MAGI3: variants seen among roughly 807,000 people sequenced by gnomAD.
The protein encoded by MAGI3 is membrane associated guanylate kinase, WW and PDZ domain containing 3.
A neutral mutation model predicts 121.8 loss-of-function variants in MAGI3; 43 were observed. The ratio of observed to expected loss-of-function variants is 0.35; its 90% CI spans 0.28 to 0.46. The LOEUF (loss-of-function observed/expected upper bound fraction) is 0.46. Among genes scored for constraint, MAGI3 ranks in the 20% least tolerant of loss-of-function variants. The pLI is 1.00. For missense variants in MAGI3, 1,547 were observed against 1,797.3 expected, an observed-to-expected ratio of 0.86 and a Z score of 2.52; for synonymous variants, 553 against 639.3, an observed-to-expected ratio of 0.86 and a Z score of 2.04.
intron 3 of MAGI3, among the ~76,000 whole-genome samples, chr1:113,584,967 C>CTT (rs58296325): frequency 2.7e-4 from 37 of 135,714 alleles, no homozygotes; most frequent in Non-Finnish European, 3.2e-4. Context: ...TAGATATTTC[C>CTT]TTTTTTTTTT....
chr1:113,533,767 T>C (rs1376981463), intron 1 of MAGI3, among the ~76,000 whole-genome samples: 1 of 150,846 alleles, frequency 6.6e-6, no homozygotes, highest in Non-Finnish European at 1.5e-5. Context: ...TTGGACTGTT[T>C]AAATATCTTT....
chr1:113,621,863 G>A (rs1173253268), intron 8 of MAGI3, among the ~76,000 whole-genome samples: 1 of 151,902 alleles, frequency 6.6e-6, no homozygotes, highest in African/African-American at 2.4e-5. Context: ...ACCACATATT[G>A]TCTGATTTTG....
At chr1:113,617,555 G>A (rs553925859) in intron 7 of MAGI3, among the ~76,000 whole-genome samples, 42 of 152,046 alleles carry the variant, frequency 2.8e-4, no homozygotes, top group Middle Eastern at 3.4e-3. Flanking sequence ...AAATTTTTAG[G>A]AAAAGGATTA....
chr1:113,596,470 A>G (rs1424506057), intron 6 of MAGI3, among the ~76,000 whole-genome samples: 2 of 152,228 alleles, frequency 1.3e-5, no homozygotes, highest in Admixed American at 6.5e-5. Context: ...TATGAACCAT[A>G]GAAGAAAAAG....
At chr1:113,414,354 C>T (rs577403364) in intron 1 of MAGI3, among the ~76,000 whole-genome samples, 1 of 152,164 alleles carries the variant, frequency 6.6e-6, no homozygotes, top group African/African-American at 2.4e-5. Context: ...TTTGTTGTGT[C>T]TCTGCCAGGC....
intron 19 of MAGI3, among the ~76,000 whole-genome samples, chr1:113,674,682 T>G (rs937259957): frequency 6.6e-6 from 1 of 152,160 alleles, no homozygotes; most frequent in Non-Finnish European, 1.5e-5. Flanking sequence ...TCTGGGTGAT[T>G]GCAGTTTTGA....
intron 9 of MAGI3, among the ~76,000 whole-genome samples, chr1:113,637,344 G>A (rs2101813768): frequency 6.6e-6 from 1 of 152,246 alleles, no homozygotes; most frequent in South Asian, 2.1e-4. Context: ...TTACAATTTG[G>A]CATGATTTTG....
chr1:113,465,878 C>G (rs1337238459), intron 1 of MAGI3, among the ~76,000 whole-genome samples: 1 of 152,018 alleles, frequency 6.6e-6, no homozygotes, highest in East Asian at 1.9e-4. Flanking sequence ...ATTTGTTTAT[C>G]TGTTCTAATA....
chr1:113,512,978 A>G (rs1657694658), intron 1 of MAGI3, among the ~76,000 whole-genome samples: 1 of 152,188 alleles, frequency 6.6e-6, no homozygotes, highest in African/African-American at 2.4e-5. Context: ...CTTATACACC[A>G]ATAACAGAGA....
intron 1 of MAGI3, chr1:113,450,503 G>A: frequency 7.9e-6 from 8 of 1,010,792 alleles, no homozygotes; most frequent in Non-Finnish European, 1.1e-5. Flanking sequence ...TGGTGGATAT[G>A]GTGGAGGTGG....
chr1:113,513,667 A>G (rs1232846744), intron 1 of MAGI3, among the ~76,000 whole-genome samples: 83 of 152,336 alleles, frequency 5.4e-4, no homozygotes, highest in Non-Finnish European at 5.9e-5. Context: ...CTAAAACCAT[A>G]AAAACCCTAG....
chr1:113,435,184 A>G (rs1353722020), intron 1 of MAGI3, among the ~76,000 whole-genome samples: 1 of 152,190 alleles, frequency 6.6e-6, no homozygotes, highest in Non-Finnish European at 1.5e-5. Flanking sequence ...CTCACGGGAA[A>G]TTAGATTTTA....
intron 1 of MAGI3, among the ~76,000 whole-genome samples, chr1:113,457,377 C>A (rs1001685492): frequency 1.3e-5 from 2 of 152,152 alleles, no homozygotes; most frequent in Non-Finnish European, 2.9e-5. Context: ...TTGACCCTTA[C>A]AATTAATCTG....
chr1:113,539,265 C>T lies in MAGI3; in HGVS notation c.317-10250C>T, dbSNP rs538697558. ...AAAATTAGCTGGGCGTGGTGGTGTG[C>T]GTCTGTAGTCCCAGCTGCTCGGGAG... is the stretch of plus-strand genomic sequence containing the variant. On this transcript the variant is annotated intron_variant, in intron 1 of 20. Transcript: ENST00000307546. Among the ~76,000 whole-genome samples the T allele has an allele frequency of 2.8e-4, 42 of 151,648 alleles. No homozygotes were observed. The South Asian group carries it at 8.1e-3, about 29-fold the overall frequency.
At chr1:113,483,954 T>C (rs1434911234) in intron 1 of MAGI3, among the ~76,000 whole-genome samples, 2 of 152,170 alleles carry the variant, frequency 1.3e-5, no homozygotes, top group East Asian at 3.9e-4. Flanking sequence ...GAGAGTGAGT[T>C]GCAGATATTT....
chr1:113,427,702 C>G (rs1157989840), intron 1 of MAGI3, among the ~76,000 whole-genome samples: 1 of 152,052 alleles, frequency 6.6e-6, no homozygotes, highest in East Asian at 1.9e-4. Flanking sequence ...TATATACAGG[C>G]GAAGAACAAG....
intron 3 of MAGI3, among the ~76,000 whole-genome samples, chr1:113,585,127 C>G (rs1323480533): frequency 6.6e-6 from 1 of 151,788 alleles, no homozygotes; most frequent in Non-Finnish European, 1.5e-5. Context: ...TGCTACCATA[C>G]CTGGCTAATT....
At chr1:113,598,353 T>C (rs146353782) in intron 6 of MAGI3, among the ~76,000 whole-genome samples, 2 of 151,908 alleles carry the variant, frequency 1.3e-5, no homozygotes, top group Non-Finnish European at 2.9e-5. Flanking sequence ...TGAATGTAAA[T>C]GGTCTAAGTG....
chr1:113,423,715 C>A (rs564564980), intron 1 of MAGI3, among the ~76,000 whole-genome samples: 7 of 152,190 alleles, frequency 4.6e-5, no homozygotes, highest in Non-Finnish European at 8.8e-5. Flanking sequence ...AGACTCCACC[C>A]GGTACTGGCA....
Sources: allele counts gnomAD v4.1 joint callset (sites outside exome capture counted in the v4.1 genomes callset), GRCh38; gene constraint gnomAD v4.1.1; transcripts MANE v1.5; gene names NCBI Gene and HGNC (gene_info 2026-07-23, HGNC 2026-07-21).